The following SESN1 variants were observed in gnomAD, a reference collection of about 807,000 sequenced individuals.
The protein encoded by SESN1 is sestrin-1.
SESN1 carries 30 observed loss-of-function variants against 59.3 expected under a neutral mutation model. That is an observed-to-expected ratio of 0.51 (90% CI 0.38 to 0.69). The LOEUF (loss-of-function observed/expected upper bound fraction) is 0.69, where lower values mean the gene tolerates loss of function less well. Ranked by LOEUF, SESN1 falls within the 30% of genes least tolerant of loss-of-function variation. The probability of loss-of-function intolerance (pLI) is 0.00; values close to 1 mark genes in which losing one functional copy is unlikely to be tolerated. For synonymous variants in SESN1, 197 were observed against 219.9 expected, an observed-to-expected ratio of 0.90 and a Z score of 0.92; for missense variants, 566 against 673.0, an observed-to-expected ratio of 0.84 and a Z score of 1.76.
intron 1 of SESN1, among the ~76,000 whole-genome samples, chr6:109,066,471 TTA>T (rs963856937): frequency 7.2e-5 from 11 of 152,220 alleles, no homozygotes; most frequent in South Asian, 2.1e-4. Context: ...TAGGTGGGAA[TTA>T]TATGTGGGTC....
At chr6:108,998,485 T>C in intron 5 of SESN1, 28 bp downstream of exon 5, 1 of 1,611,668 alleles carries the variant, frequency 6.2e-7, no homozygotes. Context: ...ATTAGTTTTA[T>C]GACAATCTCA....
chr6:109,042,710 G>T (rs974657524), intron 1 of SESN1, among the ~76,000 whole-genome samples: 5 of 152,014 alleles, frequency 3.3e-5, no homozygotes, highest in East Asian at 1.9e-4. Context: ...AATTGAATTT[G>T]TGATTTTTAA....
In SESN1 at chr6:108,994,598, A is replaced by T. The variant is rs375991942; in HGVS notation, c.984T>A (p.Ser328=). The change falls in exon 6 of 10, where the codon TCT becomes TCA. Residue 328 remains serine, a synonymous_variant. Coordinates refer to ENST00000436639, the MANE Select transcript of SESN1 (RefSeq NM_014454.3). ...NSAENVSVSD[S]FFEVEALMEK... ...CCATGAGGGCTTCAACCTCAAAGAA[A>T]GAATCACTTACCTGAAGAAAAAATA... 6.2e-7 allele frequency: 1 copy of T among 1,611,526 alleles called. No homozygotes were observed. The highest frequency in any genetic ancestry group is 8.5e-7 in the Non-Finnish European group (1 of 1,178,812).
intron 1 of SESN1, among the ~76,000 whole-genome samples, chr6:109,069,745 G>A (rs1054951464): frequency 3.4e-5 from 5 of 148,300 alleles, no homozygotes; most frequent in Admixed American, 6.6e-5. Context: ...ATGGTGGGAG[G>A]GGGGGTCTCA....
At chr6:109,041,225 T>C (rs1443656173) in intron 1 of SESN1, among the ~76,000 whole-genome samples, 1 of 151,578 alleles carries the variant, frequency 6.6e-6, no homozygotes, top group Non-Finnish European at 1.5e-5. Context: ...GGCAGGAGGA[T>C]TGTTTGAACA....
intron 1 of SESN1, among the ~76,000 whole-genome samples, chr6:109,022,547 T>A (rs1429934832): frequency 6.8e-6 from 1 of 147,298 alleles, no homozygotes; most frequent in Admixed American, 6.9e-5. Context: ...CTCAGCCTCC[T>A]ACAGGTGCCC....
chr6:109,046,100 GC>G, intron 1 of SESN1, among the ~76,000 whole-genome samples: 1 of 151,924 alleles, frequency 6.6e-6, no homozygotes, highest in East Asian at 1.9e-4. Flanking sequence ...TGTAGCTCTA[GC>G]CCTCTCCCTC....
In SESN1 at chr6:108,994,591, CAAAG is replaced by C. The variant is rs779935597; in HGVS notation, c.987_990del (p.Phe329LeufsTer10). The C allele has an allele frequency of 8.7e-6, 14 of 1,606,456 alleles. No homozygotes were observed. Among genetic ancestry groups the C allele is most frequent in the Admixed American group, 1.7e-5 (1 of 59,504 alleles). The stretch of plus-strand genomic sequence containing the variant: ...ATCTTTTCCATGAGGGCTTCAACCT[CAAAG>C]AAAGAATCACTTACCTGAAGAAAAA... On this transcript the variant is annotated frameshift_variant, in exon 6 of 10. Coordinates refer to ENST00000436639, the MANE Select transcript of SESN1 (RefSeq NM_014454.3). LOFTEE classifies it high-confidence loss of function.
chr6:109,031,745 G>A (rs1780184722), intron 1 of SESN1, among the ~76,000 whole-genome samples: 1 of 152,088 alleles, frequency 6.6e-6, no homozygotes, highest in African/African-American at 2.4e-5. Flanking sequence ...GTACATAATG[G>A]GTGATTTAGA....
chr6:109,038,678 A>T (rs753214752), intron 1 of SESN1, among the ~76,000 whole-genome samples: 6 of 152,340 alleles, frequency 3.9e-5, no homozygotes, highest in South Asian at 4.1e-4. Context: ...AGAATTGCCT[A>T]TGCAATTTAT....
intron 1 of SESN1, among the ~76,000 whole-genome samples, chr6:109,067,343 C>T (rs1185640016): frequency 6.6e-6 from 1 of 152,148 alleles, no homozygotes; most frequent in Non-Finnish European, 1.5e-5. Context: ...TGCTGTCACT[C>T]CACAGATCAT....
chr6:108,988,520 A>C, intron 9 of SESN1, 23 bp downstream of exon 9: 3 of 1,582,738 alleles, frequency 1.9e-6, no homozygotes, highest in South Asian at 2.3e-5. Context: ...TTACAAAGTA[A>C]ATAAGCCACA....
chr6:108,997,481 G>C (rs1779523082), intron 5 of SESN1, among the ~76,000 whole-genome samples: 1 of 152,098 alleles, frequency 6.6e-6, no homozygotes, highest in Non-Finnish European at 1.5e-5. Flanking sequence ...GATCAACCTT[G>C]GGAAAATTAT....
chr6:109,010,469 C>G (rs1441671367), intron 1 of SESN1, among the ~76,000 whole-genome samples: 1 of 152,050 alleles, frequency 6.6e-6, no homozygotes, highest in Non-Finnish European at 1.5e-5. Context: ...AACATTCTGA[C>G]AAGGAAACAA....
At chr6:109,011,083 G>A (rs995708970) in intron 1 of SESN1, among the ~76,000 whole-genome samples, 1 of 152,214 alleles carries the variant, frequency 6.6e-6, no homozygotes, top group Non-Finnish European at 1.5e-5. Context: ...AGTTTTAGTT[G>A]TCTAGTAGGG....
At chr6:108,997,773 G>A (rs1023738058) in intron 5 of SESN1, among the ~76,000 whole-genome samples, 1 of 152,142 alleles carries the variant, frequency 6.6e-6, no homozygotes, top group Non-Finnish European at 1.5e-5. Context: ...CTGTGGTACT[G>A]CTTCTAAAAT....
At chr6:109,057,474 G>GT (rs1190292027) in intron 1 of SESN1, among the ~76,000 whole-genome samples, 21 of 152,196 alleles carry the variant, frequency 1.4e-4, no homozygotes, top group African/African-American at 4.8e-4. Flanking sequence ...ACATAGTAGG[G>GT]TTTTTTTGTT....
chr6:108,994,406 TA>T, intron 6 of SESN1, 55 bp downstream of exon 6: 1 of 1,442,774 alleles, frequency 6.9e-7, no homozygotes, highest in East Asian at 2.3e-5. Context: ...TTAAATTCTC[TA>T]AATAAAAAGT....
intron 1 of SESN1, among the ~76,000 whole-genome samples, chr6:109,069,743 A>AG (rs111931081): frequency 0.076 from 11,486 of 151,720 alleles, 987 homozygotes; most frequent in African/African-American, 0.21. Context: ...AGATGGTGGG[A>AG]GGGGGGGTCT....
Sources: gnomAD v4.1 joint callset for allele counts (sites outside exome capture counted in the v4.1 genomes callset) on GRCh38, gnomAD v4.1.1 for gene constraint, MANE v1.5 for transcripts, NCBI Gene and HGNC (gene_info 2026-07-23, HGNC 2026-07-21) for gene names.